The following DROSHA variants were observed in gnomAD, a reference collection of about 807,000 sequenced individuals.
DROSHA encodes drosha ribonuclease III.
A neutral mutation model predicts 181.9 loss-of-function variants in DROSHA; 56 were observed. That is an observed-to-expected ratio of 0.31 (90% CI 0.25 to 0.38). The LOEUF is 0.38. Among genes scored for constraint, DROSHA ranks in the 10% least tolerant of loss-of-function variants. The pLI, the probability that DROSHA is intolerant of heterozygous loss-of-function variation, is 1.00. For synonymous variants in DROSHA, 524 were observed against 591.2 expected (o/e 0.89, Z 1.65); for missense variants, 1,218 against 1,743.5 (o/e 0.70, Z 5.37).
chr5:31,449,324 T>C lies in DROSHA; in HGVS notation c.2778A>G (p.Lys926=). 1 of 1,613,812 alleles carries C rather than the reference T, an allele frequency of 6.2e-7. No individual in the cohort carries two copies. Among genetic ancestry groups the C allele is most frequent in the South Asian group, 1.1e-5 (1 of 90,982 alleles). Residue 926 remains lysine, a synonymous_variant, in exon 22 of 36, where the codon AAA becomes AAG. Transcript: ENST00000344624. The part of the protein sequence containing the change: ...SLSNCGIRQP[K]YGDRKVHHMH... ...TGTGATGAACTTTTCTGTCTCCGTATTTGGGCTGCCGAATTCCACAGTTAG... is the reference window on the plus strand; with the variant it reads ...TGTGATGAACTTTTCTGTCTCCGTACTTGGGCTGCCGAATTCCACAGTTAG...
intron 20 of DROSHA, among the ~76,000 whole-genome samples, chr5:31,454,072 A>G (rs1398388599): frequency 6.6e-6 from 1 of 152,200 alleles, no homozygotes; most frequent in Non-Finnish European, 1.5e-5. Context: ...ATGAGGAGAA[A>G]GAGCTATGTC....
At chr5:31,444,870 T>C (rs912796722) in intron 23 of DROSHA, among the ~76,000 whole-genome samples, 1 of 152,224 alleles carries the variant, frequency 6.6e-6, no homozygotes, top group South Asian at 2.1e-4. Context: ...CCTGCTTTTC[T>C]TTTTACCTCT....
chr5:31,523,727 C>A (rs1740170890), intron 5 of DROSHA, among the ~76,000 whole-genome samples: 1 of 152,066 alleles, frequency 6.6e-6, no homozygotes, highest in African/African-American at 2.4e-5. Context: ...GTAATCCCAG[C>A]ACTTTAGGAG....
At position 31,438,599 on chromosome 5, in the gene DROSHA, A is replaced by G. The variant is rs76549915; in HGVS notation, c.2883-1301T>C. On this transcript the variant is annotated intron_variant, in intron 23 of 35. Transcript: ENST00000344624. ...GGTTTTGGGGAAAAGCAAGAGGTGC[A>G]TTTTGGACATGTTAACTTCAAAGTG... is the stretch of plus-strand genomic sequence containing the variant. Among the ~76,000 whole-genome samples the G allele has an allele frequency of 4.5e-3, 678 of 152,232 alleles. 6 individuals are homozygous for G. Among genetic ancestry groups the G allele is most frequent in the African/African-American group, 0.015 (643 of 41,550 alleles).
intron 30 of DROSHA, among the ~76,000 whole-genome samples, chr5:31,412,984 G>A (rs1287112693): frequency 6.6e-6 from 1 of 152,156 alleles, no homozygotes; most frequent in African/African-American, 2.4e-5. Context: ...TTCGGTATGG[G>A]AAGAAAACTC....
intron 20 of DROSHA, among the ~76,000 whole-genome samples, chr5:31,462,643 G>A (rs796341156): frequency 5.7e-3 from 771 of 134,826 alleles, no homozygotes; most frequent in Non-Finnish European, 6.4e-3. Context: ...TTCACAAAAA[G>A]AAAAAAAAAG....
At chr5:31,437,319 G>A in intron 23 of DROSHA, 21 bp from the exon 24 acceptor site, 1 of 1,554,232 alleles carries the variant, frequency 6.4e-7, no homozygotes, top group Non-Finnish European at 8.7e-7. Flanking sequence ...AATTAAAAAG[G>A]TTACTTAATA....
At chr5:31,403,395 G>A (rs1017040657) in intron 35 of DROSHA, among the ~76,000 whole-genome samples, 4 of 151,912 alleles carry the variant, frequency 2.6e-5, no homozygotes, top group African/African-American at 9.7e-5. Flanking sequence ...CAATGTAAAT[G>A]TGTATATACA....
In DROSHA at chr5:31,495,301, C is replaced by A. The variant is rs200983619; in HGVS notation, c.1740G>T (p.Pro580=). ...AGAAACTTACTAAAAAGTTCGTAGGCGGGGAGACTGTGATCCGGTAGTGGA... is the reference window on the plus strand; with the variant it reads ...AGAAACTTACTAAAAAGTTCGTAGGAGGGGAGACTGTGATCCGGTAGTGGA... ...RLFHYRITVS[P]PTNFLTDRPT... The change falls in exon 12 of 36, where the codon CCG becomes CCT. Residue 580 remains proline (P), a synonymous_variant. Coordinates refer to ENST00000344624, the MANE Select transcript of DROSHA (RefSeq NM_001382508.1). 1.2e-6 allele frequency: 2 copies of A among 1,613,594 alleles called. No individual in the cohort carries two copies. Among genetic ancestry groups the A allele is most frequent in the Non-Finnish European group, 8.5e-7 (1 of 1,179,758 alleles).
At chr5:31,457,582 A>G (rs1747825177) in intron 20 of DROSHA, among the ~76,000 whole-genome samples, 1 of 152,144 alleles carries the variant, frequency 6.6e-6, no homozygotes, top group Admixed American at 6.5e-5. Context: ...ATTATAAAAC[A>G]ATCTTTCATT....
At chr5:31,448,026 T>C (rs1197535465) in intron 23 of DROSHA, among the ~76,000 whole-genome samples, 1 of 152,138 alleles carries the variant, frequency 6.6e-6, no homozygotes, top group African/African-American at 2.4e-5. Context: ...AAAATCAAAA[T>C]ATATGTCCAA....
chr5:31,471,951 A>G, intron 17 of DROSHA, 112 bp downstream of exon 17: 1 of 989,440 alleles, frequency 1.0e-6, no homozygotes, highest in South Asian at 3.1e-5. Context: ...TCCAAGGACA[A>G]GAGCAGTGAC....
chr5:31,429,297 T>C (rs1172383695), intron 27 of DROSHA, among the ~76,000 whole-genome samples, 178 bp downstream of exon 27: 1 of 152,240 alleles, frequency 6.6e-6, no homozygotes, highest in Non-Finnish European at 1.5e-5. Context: ...TAAAGGTCCA[T>C]GGAACTTTCC....
intron 5 of DROSHA, among the ~76,000 whole-genome samples, chr5:31,521,809 AT>A (rs1244995246): frequency 2.0e-5 from 3 of 152,198 alleles, no homozygotes; most frequent in Non-Finnish European, 4.4e-5. Context: ...GTAAAAAAAA[AT>A]AGATGAGGAA....
chr5:31,530,630 CAAAAAAAAAA>C (rs34124311), intron 3 of DROSHA, among the ~76,000 whole-genome samples, 158 bp downstream of exon 3: 1 of 112,692 alleles, frequency 8.9e-6, no homozygotes, highest in African/African-American at 3.7e-5. Flanking sequence ...AACTCTAGCT[CAAAAAAAAAA>C]AAAAAAAAAA....
At chr5:31,528,811 A>C (rs1015767180) in intron 4 of DROSHA, among the ~76,000 whole-genome samples, 2 of 152,200 alleles carry the variant, frequency 1.3e-5, no homozygotes, top group African/African-American at 4.8e-5. Context: ...GCACCTCGGA[A>C]CTGCAAGCGC....
At chr5:31,421,990 C>T (rs1164745422) in intron 29 of DROSHA, 1 of 144,140 alleles carries the variant, frequency 6.9e-6, no homozygotes, top group Non-Finnish European at 1.5e-5. Flanking sequence ...ACTCAGGAGG[C>T]TGAGGCAGGA....
intron 8 of DROSHA, among the ~76,000 whole-genome samples, chr5:31,512,790 A>G (rs150612490): frequency 1.4e-3 from 217 of 152,332 alleles, no homozygotes; most frequent in Non-Finnish European, 1.9e-3. Flanking sequence ...TCCACAAGTC[A>G]AGGAATGCAC....
intron 34 of DROSHA, 104 bp downstream of exon 34, chr5:31,406,749 C>A (rs1343927785): frequency 9.6e-7 from 1 of 1,036,666 alleles, no homozygotes; most frequent in Non-Finnish European, 1.4e-6. Context: ...ACATTTTATT[C>A]TCTGAGTTAA....
Sources: gnomAD v4.1 joint callset for allele counts (sites outside exome capture counted in the v4.1 genomes callset) on GRCh38, gnomAD v4.1.1 for gene constraint, MANE v1.5 for transcripts, NCBI Gene and HGNC (gene_info 2026-07-23, HGNC 2026-07-21) for gene names.